FRS2: variants seen among roughly 807,000 people sequenced by gnomAD.
The protein encoded by FRS2 is FGFR signalling adaptor.
Under a neutral mutation model 43.9 loss-of-function variants are expected in FRS2, and 8 were observed. That is an observed-to-expected ratio of 0.18 (90% CI 0.11 to 0.33). The LOEUF (loss-of-function observed/expected upper bound fraction) is 0.33. FRS2 is among the 10% of genes least tolerant of loss of function. The pLI, the probability that FRS2 is intolerant of heterozygous loss-of-function variation, is 1.00. For missense variants in FRS2, 534 were observed against 627.6 expected, an observed-to-expected ratio of 0.85 and a Z score of 1.59; for synonymous variants, 219 against 220.3, an observed-to-expected ratio of 0.99 and a Z score of 0.05.
chr12:69,484,668 G>A (rs1422926711), intron 1 of FRS2, among the ~76,000 whole-genome samples: 3 of 152,054 alleles, frequency 2.0e-5, no homozygotes, highest in South Asian at 2.1e-4. Flanking sequence ...GTGCCTAGTC[G>A]TGCTGACATG....
At chr12:69,537,005 A>G (rs768003250) in intron 3 of FRS2, among the ~76,000 whole-genome samples, 2 of 152,066 alleles carry the variant, frequency 1.3e-5, no homozygotes, top group Non-Finnish European at 2.9e-5. Flanking sequence ...CCTTGCATGC[A>G]TGTATACTTG....
rs919389411 is a variant in FRS2, at chr12:69,489,278, G to C, written c.-261+18748G>C. The stretch of plus-strand genomic sequence containing the variant: ...TAGTGTTTGGGGTAGAGTTCTGTAA[G>C]TTGTCCCACATCTTAGATACTGGCT... On this transcript the variant is annotated intron_variant, in intron 1 of 8. Transcript: ENST00000549921. Among the ~76,000 whole-genome samples the C allele has an allele frequency of 3.3e-5, 5 of 152,152 alleles. No homozygotes were observed. In the South Asian group the frequency reaches 8.3e-4, roughly 25 times the overall value.
chr12:69,570,620 C>A (rs1268498541), intron 6 of FRS2, 103 bp downstream of exon 6: 2 of 677,824 alleles, frequency 3.0e-6, no homozygotes, highest in South Asian at 4.0e-5. Context: ...AAAAAAATCC[C>A]AAAATAAACA....
intron 3 of FRS2, among the ~76,000 whole-genome samples, chr12:69,550,020 T>C (rs1024173460): frequency 6.6e-6 from 1 of 152,216 alleles, no homozygotes; most frequent in Admixed American, 6.5e-5. Flanking sequence ...GATCCGTAAG[T>C]TGATGGCTCC....
rs1455589154 is a variant in FRS2 at position 69,574,333 on chromosome 12, A to G, written c.905A>G (p.Asn302Ser). 1 of 1,614,164 alleles carries G rather than the reference A, an allele frequency of 6.2e-7. No homozygotes were observed. Among genetic ancestry groups the G allele is most frequent in the Non-Finnish European group, 8.5e-7 (1 of 1,179,952 alleles). ...GAACGAAGAGATGCACCCTCTGTTA[A>G]CAAACTGGTGTATGAAAATATAAAT... Reference protein sequence around the residue: ...SDERRDAPSVNKLVYENINGL... With the variant: ...SDERRDAPSVSKLVYENINGL... Residue 302 changes from asparagine (N) to serine (S), a missense_variant, in exon 9 of 9, where the codon AAC becomes AGC. Physicochemically the swap from Asn to Ser is conservative, Grantham distance 46. Around this residue, in one of 3 missense-constraint regions of FRS2, gnomAD observed 446 missense variants for 494.2 expected, o/e 0.90. Coordinates refer to ENST00000549921, the MANE Select transcript of FRS2 (RefSeq NM_001278356.2).
chr12:69,567,162 ATC>A (rs76323613), intron 4 of FRS2, among the ~76,000 whole-genome samples: 14,139 of 151,286 alleles, frequency 0.093, 865 homozygotes, highest in Non-Finnish European at 0.14. Context: ...ATCTATTTAC[ATC>A]TCTCTCTCTC....
intron 1 of FRS2, among the ~76,000 whole-genome samples, chr12:69,474,565 A>G (rs545512016): frequency 3.9e-5 from 6 of 152,218 alleles, no homozygotes; most frequent in African/African-American, 7.2e-5. Flanking sequence ...CGGAGTAGAA[A>G]GAATCTGATC....
chr12:69,494,873 A>G, intron 1 of FRS2, among the ~76,000 whole-genome samples: 1 of 152,140 alleles, frequency 6.6e-6, no homozygotes, highest in East Asian at 1.9e-4. Flanking sequence ...TCCTGGGTTC[A>G]AGTGATTCCC....
At chr12:69,514,691 A>G (rs1358220159) in intron 1 of FRS2, among the ~76,000 whole-genome samples, 4 of 151,968 alleles carry the variant, frequency 2.6e-5, no homozygotes, top group South Asian at 2.1e-4. Context: ...CACTTAGCCA[A>G]GCGTGTTGGT....
intron 1 of FRS2, among the ~76,000 whole-genome samples, chr12:69,524,589 C>T (rs1162880549): frequency 4.6e-5 from 7 of 151,970 alleles, no homozygotes; most frequent in African/African-American, 1.2e-4. Context: ...AGGGTGTTCA[C>T]GTCAAACTGG....
chr12:69,523,287 A>G (rs899141707), intron 1 of FRS2, among the ~76,000 whole-genome samples: 3 of 152,232 alleles, frequency 2.0e-5, no homozygotes, highest in African/African-American at 7.2e-5. Context: ...ATGGATATTT[A>G]GGATAGTTAG....
At chr12:69,544,719 TAATAAATA>T (rs965625208) in intron 3 of FRS2, among the ~76,000 whole-genome samples, 1 of 151,722 alleles carries the variant, frequency 6.6e-6, no homozygotes, top group Non-Finnish European at 1.5e-5. Flanking sequence ...AAAAAATTAA[TAATAAATA>T]AATAAATAAA....
chr12:69,477,272 C>CTT (rs11300091), intron 1 of FRS2, among the ~76,000 whole-genome samples: 5 of 103,140 alleles, frequency 4.8e-5, no homozygotes, highest in East Asian at 2.7e-4. Flanking sequence ...TTTTAAAATA[C>CTT]TTTTTTTTTT....
chr12:69,563,987 C>T (rs189806954), intron 4 of FRS2, among the ~76,000 whole-genome samples: 162 of 152,190 alleles, frequency 1.1e-3, no homozygotes, highest in Non-Finnish European at 1.7e-3. Context: ...CTTTCTTGAC[C>T]TACTGATTAT....
chr12:69,552,472 A>G (rs989734568), intron 3 of FRS2, among the ~76,000 whole-genome samples: 3 of 152,190 alleles, frequency 2.0e-5, no homozygotes, highest in East Asian at 3.8e-4. Flanking sequence ...AGAACTGGAA[A>G]GTAAGAAACA....
rs188973123 is a variant in FRS2, at chr12:69,574,040, A to G, written c.612A>G (p.Glu204=). The G allele has an allele frequency of 3.3e-3, 5,399 of 1,613,814 alleles. 12 individuals carry two copies. The highest frequency in any genetic ancestry group is 3.6e-3 in the Non-Finnish European group (4,265 of 1,179,892). ...HTYVNTTGVQ[E]ERKNRTSVHV... is the part of the protein sequence containing the mutation. Reference sequence around the variant, plus strand: ...ATGTCAACACTACAGGTGTGCAAGAAGAGCGGAAAAACCGCACAAGTGTGC... The same window carrying G: ...ATGTCAACACTACAGGTGTGCAAGAGGAGCGGAAAAACCGCACAAGTGTGC... The change falls in exon 9 of 9, where the codon GAA becomes GAG. Residue 204 remains glutamate (E), a synonymous_variant. Coordinates refer to ENST00000549921, the MANE Select transcript of FRS2 (RefSeq NM_001278356.2).
intron 1 of FRS2, among the ~76,000 whole-genome samples, chr12:69,504,869 C>T (rs1873782178): frequency 6.6e-6 from 1 of 152,172 alleles, no homozygotes; most frequent in Non-Finnish European, 1.5e-5. Flanking sequence ...CATTCTGTCA[C>T]CTAGGGTGAA....
At position 69,477,497 on chromosome 12, in the gene FRS2, T is replaced by C. The variant is rs1280389293; in HGVS notation, c.-261+6967T>C. 1.3e-5 allele frequency among the ~76,000 whole-genome samples: 2 copies of C among 151,136 alleles called. 1 individual carries two copies. The highest frequency in any genetic ancestry group is 4.9e-5 in the African/African-American group (2 of 40,860). ...CGGGGTTTCACCGTGTTAGCCAAGA[T>C]GGTCTCAATCTCCTGACCTCGTGAT... On this transcript the variant is annotated intron_variant, in intron 1 of 8. Transcript: ENST00000549921.
intron 1 of FRS2, among the ~76,000 whole-genome samples, chr12:69,472,049 G>T (rs2120548207): frequency 6.6e-6 from 1 of 152,218 alleles, no homozygotes; most frequent in Non-Finnish European, 1.5e-5. Flanking sequence ...ATTGTGGAGA[G>T]ATTAGCTGCA....
Sources: allele counts gnomAD v4.1 joint callset (sites outside exome capture counted in the v4.1 genomes callset), GRCh38; gene constraint gnomAD v4.1.1; regional missense constraint gnomAD v4.1.1; transcripts MANE v1.5; gene names NCBI Gene and HGNC (gene_info 2026-07-23, HGNC 2026-07-21).